The following MYO10 variants were observed in gnomAD, a reference collection of about 807,000 sequenced individuals.
The protein encoded by MYO10 is unconventional myosin-X.
A neutral mutation model predicts 257.3 loss-of-function variants in MYO10; 133 were observed. The observed-to-expected ratio is 0.52, with a 90% CI of 0.45 to 0.60. The LOEUF is 0.60. MYO10 is among the 20% of genes least tolerant of loss of function. The pLI is 0.00. For missense variants in MYO10, 2,399 were observed against 2,635.7 expected, an observed-to-expected ratio of 0.91 and a Z score of 1.97; for synonymous variants, 1,104 against 1,028.6, an observed-to-expected ratio of 1.07 and a Z score of -1.40.
intron 2 of MYO10, among the ~76,000 whole-genome samples, chr5:16,875,232 G>A (rs1453048921): frequency 2.0e-5 from 3 of 152,148 alleles, no homozygotes; most frequent in Non-Finnish European, 4.4e-5. Flanking sequence ...TTAAACGAAT[G>A]ACACTGTTTA....
At chr5:16,873,285 A>G (rs1744499372) in intron 2 of MYO10, among the ~76,000 whole-genome samples, 1 of 152,220 alleles carries the variant, frequency 6.6e-6, no homozygotes, top group Non-Finnish European at 1.5e-5. Context: ...AAGCTCCACA[A>G]TTATCTCCTT....
rs1745782500 is a variant in MYO10 at position 16,915,250 on chromosome 5, G to C, written c.21+20538C>G. ...AGAGTCCCACCAGGGAACACAACTG[G>C]GTTCCAAGCCATAGGTAGTTCATCT... On this transcript the variant is annotated intron_variant, in intron 1 of 40. Transcript: ENST00000513610. 2.0e-5 allele frequency among the ~76,000 whole-genome samples: 3 copies of C among 152,090 alleles called. No individual in the cohort carries two copies. In the South Asian group the frequency reaches 6.2e-4, roughly 32 times the overall value.
At position 16,794,766 on chromosome 5, in the gene MYO10, G is replaced by C. The variant is rs764362993; in HGVS notation, c.347C>G (p.Ala116Gly). 3.1e-6 allele frequency: 5 copies of C among 1,609,860 alleles called. No homozygotes were observed. The highest frequency in any genetic ancestry group is 4.2e-6 in the Non-Finnish European group (5 of 1,178,248). Residue 116 changes from alanine to glycine, a missense_variant, in exon 4 of 41, where the codon GCC becomes GGC. Around this residue, in one of 3 missense-constraint regions of MYO10, gnomAD observed 242 missense variants for 249.5 expected, o/e 0.97. Transcript: ENST00000513610. ...YQPIAGLYEP[A>G]TMEQYSRRHL... ...GCGCCGGCTGTACTGCTCCATGGTG[G>C]CAGGCTCGTACAGCCCGGCGATGGG... is the stretch of plus-strand genomic sequence containing the variant.
At position 16,666,601 on chromosome 5, in the gene MYO10, T is replaced by C; in HGVS notation, c.*91A>G. 1 of 1,084,638 alleles carries C rather than the reference T, an allele frequency of 9.2e-7. No individual in the cohort carries two copies. The highest frequency in any genetic ancestry group is 2.4e-4 in the Middle Eastern group (1 of 4,118). The allele number at this position is 1,084,638 out of a possible 1,614,324, so 67.2% of individuals were successfully genotyped here. ...TCCAGAAAGCCTGGGCAGCTCTGTG[T>C]TTGTTTTGGCTGGGCATGGCACACT... On this transcript the variant is annotated 3_prime_UTR_variant, in exon 41 of 41. Transcript: ENST00000513610.
intron 2 of MYO10, among the ~76,000 whole-genome samples, chr5:16,852,050 C>CAAAAAAAAAA (rs70943811): frequency 7.1e-5 from 3 of 42,540 alleles, no homozygotes; most frequent in African/African-American, 1.5e-4. Context: ...GACTCCATCT[C>CAAAAAAAAAA]AAAAAAAAAA....
At chr5:16,839,857 G>A (rs530934890) in intron 2 of MYO10, among the ~76,000 whole-genome samples, 5 of 152,318 alleles carry the variant, frequency 3.3e-5, no homozygotes, top group Admixed American at 6.5e-5. Flanking sequence ...AGGCTATGGC[G>A]TTCAGTAGGT....
At chr5:16,726,198 G>A (rs1333098863) in intron 19 of MYO10, among the ~76,000 whole-genome samples, 3 of 152,174 alleles carry the variant, frequency 2.0e-5, no homozygotes, top group Non-Finnish European at 4.4e-5. Context: ...CATATTAGTG[G>A]CCACTATGGT....
intron 3 of MYO10, among the ~76,000 whole-genome samples, chr5:16,817,096 G>A (rs2126703665): frequency 6.6e-6 from 1 of 152,324 alleles, no homozygotes; most frequent in Non-Finnish European, 1.5e-5. Flanking sequence ...GGGATTACAG[G>A]TGTGAGCCAC....
chr5:16,751,797 AG>A (rs1380473771), intron 19 of MYO10, among the ~76,000 whole-genome samples: 1 of 152,148 alleles, frequency 6.6e-6, no homozygotes, highest in Non-Finnish European at 1.5e-5. Flanking sequence ...TGCCTTTAAA[AG>A]GGCACCAAGA....
intron 4 of MYO10, among the ~76,000 whole-genome samples, chr5:16,789,842 CTA>C (rs1741701127): frequency 1.3e-5 from 2 of 152,148 alleles, no homozygotes; most frequent in African/African-American, 2.4e-5. Context: ...AGTTCAAATC[CTA>C]TGTTTGTTGC....
chr5:16,747,657 A>G (rs1459340190), intron 19 of MYO10, among the ~76,000 whole-genome samples: 2 of 152,162 alleles, frequency 1.3e-5, no homozygotes, highest in African/African-American at 2.4e-5. Context: ...GGTGGCTCAC[A>G]CCTGTAATCC....
intron 2 of MYO10, among the ~76,000 whole-genome samples, chr5:16,858,752 G>T (rs1030643964): frequency 2.0e-5 from 3 of 152,154 alleles, no homozygotes; most frequent in African/African-American, 7.2e-5. Flanking sequence ...GAGGTCAGGA[G>T]TTTGAGACCT....
At position 16,818,266 on chromosome 5, in the gene MYO10, G is replaced by A. The variant is rs1029321864; in HGVS notation, c.121-99C>T. 6 of 1,055,796 alleles carry A rather than the reference G, an allele frequency of 5.7e-6. No homozygotes were observed. In the African/African-American group the frequency reaches 6.5e-5, roughly 11 times the overall value. 65.4% of individuals were successfully genotyped at this position (1,055,796 alleles called of 1,614,324 possible). A position where few individuals can be genotyped will look rare whatever the true frequency, so the allele number is the denominator to read the frequency against. On this transcript the variant is annotated intron_variant, in intron 2 of 40. Coordinates refer to ENST00000513610, the MANE Select transcript of MYO10 (RefSeq NM_012334.3). The stretch of plus-strand genomic sequence containing the variant: ...ACAATACAATCTCAGTATAATTTCA[G>A]GAAAAAGATTCTAAATTGGACAATC...
At chr5:16,791,122 C>T (rs1036863873) in intron 4 of MYO10, among the ~76,000 whole-genome samples, 2 of 151,950 alleles carry the variant, frequency 1.3e-5, no homozygotes, top group Non-Finnish European at 2.9e-5. Context: ...ACTTATAAAG[C>T]GAGAGAAAAA....
At chr5:16,913,679 T>C (rs78243004) in intron 1 of MYO10, among the ~76,000 whole-genome samples, 9,162 of 152,186 alleles carry the variant, frequency 0.06, 282 homozygotes, top group Non-Finnish European at 0.079. Context: ...AATGTGGGGT[T>C]TGGGTGTGGC....
intron 1 of MYO10, among the ~76,000 whole-genome samples, chr5:16,926,195 G>A (rs1746126982): frequency 6.6e-6 from 1 of 152,052 alleles, no homozygotes; most frequent in African/African-American, 2.4e-5. Context: ...TTTCCAATTT[G>A]GGAGAATTTC....
At chr5:16,681,637 C>T (rs1737006454) in intron 31 of MYO10, 134 bp from the exon 32 acceptor site, 2 of 1,097,384 alleles carry the variant, frequency 1.8e-6, no homozygotes, top group South Asian at 3.2e-5. Context: ...AACACCCCAA[C>T]CCGATGTAAA....
chr5:16,680,715 A>G (rs930053875), intron 32 of MYO10, among the ~76,000 whole-genome samples: 2 of 152,236 alleles, frequency 1.3e-5, no homozygotes, highest in Non-Finnish European at 2.9e-5. Context: ...TGTACTTTCT[A>G]TGCTACTAGG....
intron 19 of MYO10, among the ~76,000 whole-genome samples, chr5:16,748,768 T>C (rs924768070): frequency 1.3e-5 from 2 of 152,146 alleles, no homozygotes; most frequent in Non-Finnish European, 2.9e-5. Context: ...TTCCATAATG[T>C]CTGCACAGAG....
Sources: gnomAD v4.1 joint callset for allele counts (sites outside exome capture counted in the v4.1 genomes callset) on GRCh38, gnomAD v4.1.1 for gene constraint, gnomAD v4.1.1 regional missense constraint, MANE v1.5 for transcripts, NCBI Gene and HGNC (gene_info 2026-07-23, HGNC 2026-07-21) for gene names.